The following DYNLRB1 variants were observed in gnomAD, a reference collection of about 807,000 sequenced individuals.
DYNLRB1 encodes the protein dynein light chain roadblock-type 1, also known as ROBL/LC7-like 1.
In DYNLRB1, 6 loss-of-function variants were observed where a neutral mutation model predicts 13.5. The observed-to-expected ratio is 0.44, with a 90% CI of 0.24 to 0.88. The LOEUF is 0.88. DYNLRB1 is among the 40% of genes least tolerant of loss of function. The pLI, the probability that DYNLRB1 is intolerant of heterozygous loss-of-function variation, is 0.21. For synonymous variants in DYNLRB1, 43 were observed against 45.0 expected (o/e 0.96, Z 0.18); for missense variants, 93 against 127.2 (o/e 0.73, Z 1.29).
chr20:34,517,265 A>C (rs928157558), intron 1 of DYNLRB1, among the ~76,000 whole-genome samples: 3 of 152,222 alleles, frequency 2.0e-5, no homozygotes, highest in Admixed American at 1.3e-4. Flanking sequence ...AAATTGAAAA[A>C]AGAAACCGTG....
chr20:34,528,691 C>T lies in DYNLRB1; in HGVS notation c.79+2348C>T, dbSNP rs569847543. Among the ~76,000 whole-genome samples, 3 of 152,110 alleles carry T rather than the reference C, an allele frequency of 2.0e-5. No homozygotes were observed. In the South Asian group the frequency reaches 6.2e-4, roughly 32 times the overall value. Reference sequence around the variant, plus strand: ...ATTAATAATTGTTATAATGGCTGGGCGTGGTGCATGGTTGCTCACACCTGT... The same window carrying T: ...ATTAATAATTGTTATAATGGCTGGGTGTGGTGCATGGTTGCTCACACCTGT... On this transcript the variant is annotated intron_variant, in intron 2 of 3. Coordinates refer to ENST00000357156, the MANE Select transcript of DYNLRB1 (RefSeq NM_014183.4).
intron 1 of DYNLRB1, among the ~76,000 whole-genome samples, chr20:34,523,261 C>T (rs141304071): frequency 8.5e-4 from 129 of 152,262 alleles, no homozygotes; most frequent in African/African-American, 2.7e-3. Context: ...AGGAGGCTTC[C>T]GCAGGCTGTG....
intron 1 of DYNLRB1, among the ~76,000 whole-genome samples, chr20:34,524,632 G>A (rs941404667): frequency 2.6e-5 from 4 of 152,040 alleles, no homozygotes; most frequent in African/African-American, 7.2e-5. Flanking sequence ...TCTCATACAC[G>A]CATGACCCAC....
intron 1 of DYNLRB1, 55 bp downstream of exon 1, chr20:34,516,516 C>T (rs1210144720): frequency 1.2e-6 from 2 of 1,606,724 alleles, no homozygotes; most frequent in East Asian, 2.2e-5. Context: ...CCACGCCAGG[C>T]CTTCAGTCTT....
intron 3 of DYNLRB1, among the ~76,000 whole-genome samples, chr20:34,538,967 C>T (rs1600556373): frequency 6.6e-6 from 1 of 152,176 alleles, no homozygotes; most frequent in Non-Finnish European, 1.5e-5. Flanking sequence ...CAGAGTGACT[C>T]GAGGATTCAC....
At chr20:34,534,564 T>C in intron 2 of DYNLRB1, 64 bp from the exon 3 acceptor site, 1 of 1,507,128 alleles carries the variant, frequency 6.6e-7, no homozygotes, top group Non-Finnish European at 8.9e-7. Context: ...CAATTAGGGG[T>C]GTGGGTGGGA....
At chr20:34,531,637 C>G (rs1980720432) in intron 2 of DYNLRB1, among the ~76,000 whole-genome samples, 1 of 152,206 alleles carries the variant, frequency 6.6e-6, no homozygotes, top group Non-Finnish European at 1.5e-5. Flanking sequence ...CCTTTGACCA[C>G]TCACTTACCA....
At chr20:34,528,877 G>T (rs1980473551) in intron 2 of DYNLRB1, among the ~76,000 whole-genome samples, 1 of 152,070 alleles carries the variant, frequency 6.6e-6, no homozygotes, top group South Asian at 2.1e-4. Flanking sequence ...AGGATGCTAA[G>T]ACAGGAGGAT....
At chr20:34,528,083 C>T (rs1331665219) in intron 2 of DYNLRB1, among the ~76,000 whole-genome samples, 1 of 40,602 alleles carries the variant, frequency 2.5e-5, no homozygotes, top group Non-Finnish European at 5.8e-5. Flanking sequence ...GAGGCCGAGG[C>T]GGGCGGATCA....
intron 3 of DYNLRB1, chr20:34,535,112 G>A (rs1981040666): frequency 1.0e-6 from 1 of 985,224 alleles, no homozygotes; most frequent in South Asian, 4.7e-5. Flanking sequence ...GGCCAGGCCT[G>A]TCTGGGGCTG....
intron 1 of DYNLRB1, among the ~76,000 whole-genome samples, chr20:34,522,469 CT>C (rs771811577): frequency 1.1e-3 from 86 of 77,202 alleles, no homozygotes; most frequent in East Asian, 2.8e-3. Flanking sequence ...TTTTCTTTTT[CT>C]TTTTTTTTTT....
At position 34,520,148 on chromosome 20, in the gene DYNLRB1, A is replaced by T. The variant is rs151202762; in HGVS notation, c.3+3687A>T. On this transcript the variant is annotated intron_variant, in intron 1 of 3. Coordinates refer to ENST00000357156, the MANE Select transcript of DYNLRB1 (RefSeq NM_014183.4). Reference sequence around the variant, plus strand: ...TGTCTCAAAATAAATAAATAAAATTAAAAAATAATCACATATAATTCTCCT... The same window carrying T: ...TGTCTCAAAATAAATAAATAAAATTTAAAAATAATCACATATAATTCTCCT... 3.5e-3 allele frequency among the ~76,000 whole-genome samples: 540 copies of T among 152,254 alleles called. 2 individuals carry two copies. The highest frequency in any genetic ancestry group is 0.012 in the African/African-American group (505 of 41,544).
intron 1 of DYNLRB1, among the ~76,000 whole-genome samples, chr20:34,521,444 GT>G (rs945837371): frequency 3.4e-3 from 507 of 148,280 alleles, no homozygotes; most frequent in Non-Finnish European, 5.4e-3. Flanking sequence ...GTCATTTTGT[GT>G]TTTTTTTTTA....
At chr20:34,526,778 A>C (rs1402927477) in intron 2 of DYNLRB1, among the ~76,000 whole-genome samples, 1 of 152,200 alleles carries the variant, frequency 6.6e-6, no homozygotes, top group Non-Finnish European at 1.5e-5. Context: ...ATATTGCTTC[A>C]TGGTTTACAT....
chr20:34,527,806 C>G (rs1341704350), intron 2 of DYNLRB1, among the ~76,000 whole-genome samples: 1 of 152,168 alleles, frequency 6.6e-6, no homozygotes, highest in African/African-American at 2.4e-5. Context: ...CTGTCTCCTT[C>G]CGAAGGCCTT....
At chr20:34,537,070 A>C (rs1288409413) in intron 3 of DYNLRB1, among the ~76,000 whole-genome samples, 1 of 152,028 alleles carries the variant, frequency 6.6e-6, no homozygotes, top group Non-Finnish European at 1.5e-5. Flanking sequence ...TTGAGTCCAG[A>C]ATGGGCAGCT....
At chr20:34,533,502 CT>C in intron 2 of DYNLRB1, 1 of 985,464 alleles carries the variant, frequency 1.0e-6, no homozygotes, top group Non-Finnish European at 1.2e-6. Flanking sequence ...CACAAGCTGA[CT>C]TTTTCTCTTC....
chr20:34,524,721 CT>C lies in DYNLRB1; in HGVS notation c.4-1537del, dbSNP rs757000124. ...CTTAGAGGCATAAGTCCATTTTCCA[CT>C]TTTTTTTTTGTTTTTTTTTTTTGGA... On this transcript the variant is annotated intron_variant, in intron 1 of 3. Transcript: ENST00000357156. 1.4e-4 allele frequency among the ~76,000 whole-genome samples: 21 copies of C among 147,746 alleles called. No homozygotes were observed. The South Asian group carries it at 1.5e-3, about 11-fold the overall frequency.
In DYNLRB1 at chr20:34,534,979, C is replaced by T; in HGVS notation, c.247+184C>T. ...GCTGGTGTCCCATAGCAGATCCTCC[C>T]AGGGACCGGCCCCAGAGGGTAACCC... On this transcript the variant is annotated intron_variant, in intron 3 of 3. Coordinates refer to ENST00000357156, the MANE Select transcript of DYNLRB1 (RefSeq NM_014183.4). 3 of 1,448,916 alleles carry T rather than the reference C, an allele frequency of 2.1e-6. No individual in the cohort carries two copies. The South Asian group carries it at 4.3e-5, about 21-fold the overall frequency. The allele number at this position is 1,448,916 out of a possible 1,614,324, so 89.8% of individuals were successfully genotyped here.
Sources: allele counts gnomAD v4.1 joint callset (sites outside exome capture counted in the v4.1 genomes callset), GRCh38; gene constraint gnomAD v4.1.1; transcripts MANE v1.5; gene names NCBI Gene and HGNC (gene_info 2026-07-23, HGNC 2026-07-21).